ZNF438: variants seen among roughly 807,000 people sequenced by gnomAD.
ZNF438 encodes the protein zinc finger protein 438.
In ZNF438, 25 loss-of-function variants were observed where a neutral mutation model predicts 38.0. That is an observed-to-expected ratio of 0.66 (90% confidence interval 0.48 to 0.92). ZNF438 has a LOEUF of 0.92. ZNF438 is among the 40% of genes least tolerant of loss of function. ZNF438 has a pLI of 0.00. For synonymous variants in ZNF438, 372 were observed against 364.1 expected (o/e 1.02, Z -0.25); for missense variants, 1,007 against 999.6 (o/e 1.01, Z -0.10).
chr10:30,930,745 C>T (rs187681080), intron 2 of ZNF438, among the ~76,000 whole-genome samples: 18 of 129,074 alleles, frequency 1.4e-4, no homozygotes, highest in South Asian at 1.0e-3. Context: ...AGGCAGAGGT[C>T]GTAGTAAGCC....
At chr10:30,977,473 G>T (rs1032802552) in intron 1 of ZNF438, among the ~76,000 whole-genome samples, 1 of 152,138 alleles carries the variant, frequency 6.6e-6, no homozygotes, top group Admixed American at 6.5e-5. Context: ...AACTAAGATG[G>T]CTACTGTAAC....
At chr10:31,010,103 T>C (rs2055534703) in intron 1 of ZNF438, among the ~76,000 whole-genome samples, 1 of 152,166 alleles carries the variant, frequency 6.6e-6, no homozygotes, top group Non-Finnish European at 1.5e-5. Context: ...TGCCTTGGCC[T>C]CCCAAAGTGC....
chr10:30,997,700 T>C lies in ZNF438; in HGVS notation c.-192+34133A>G, dbSNP rs76776770. ...TAGAAACGGGTATAGGATGCAATTT[T>C]AGCTAATGAGGTCATGTTTTCTAGG... On this transcript the variant is annotated intron_variant, in intron 1 of 5. Transcript: ENST00000413025. Among the ~76,000 whole-genome samples, 1,050 of 152,274 alleles carry C rather than the reference T, an allele frequency of 6.9e-3. 12 individuals are homozygous for C. The highest frequency in any genetic ancestry group is 0.024 in the African/African-American group (1,002 of 41,554).
intron 4 of ZNF438, among the ~76,000 whole-genome samples, chr10:30,854,173 A>G (rs895560643): frequency 2.6e-5 from 4 of 152,086 alleles, no homozygotes; most frequent in African/African-American, 9.7e-5. Context: ...CAAAAAAATT[A>G]GCTGGGCGTG....
intron 2 of ZNF438, among the ~76,000 whole-genome samples, chr10:30,926,365 A>G (rs933250529): frequency 6.6e-6 from 1 of 152,198 alleles, no homozygotes; most frequent in African/African-American, 2.4e-5. Flanking sequence ...AGAGATGAAC[A>G]ATATTAGAAT....
chr10:31,022,420 C>G (rs777205492), intron 1 of ZNF438, among the ~76,000 whole-genome samples: 12 of 152,142 alleles, frequency 7.9e-5, no homozygotes, highest in East Asian at 1.9e-4. Context: ...CACCACCATG[C>G]CTGGCCAATT....
intron 1 of ZNF438, among the ~76,000 whole-genome samples, chr10:31,022,991 T>G (rs987814485): frequency 6.6e-6 from 1 of 152,242 alleles, no homozygotes; most frequent in Non-Finnish European, 1.5e-5. Context: ...AAGACGTGTC[T>G]GAGCCGACTT....
At chr10:30,976,691 C>T (rs1006740623) in intron 1 of ZNF438, among the ~76,000 whole-genome samples, 4 of 151,588 alleles carry the variant, frequency 2.6e-5, no homozygotes, top group South Asian at 2.1e-4. Flanking sequence ...GAGCTATGAT[C>T]GTGCCTCTGC....
intron 4 of ZNF438, chr10:30,875,597 T>A (rs540229537): frequency 7.1e-6 from 7 of 984,746 alleles, no homozygotes; most frequent in Non-Finnish European, 8.4e-6. Flanking sequence ...TTCCAGAGGA[T>A]ATATACCAGA....
At chr10:30,961,732 C>A (rs2049510368) in intron 1 of ZNF438, among the ~76,000 whole-genome samples, 1 of 144,976 alleles carries the variant, frequency 6.9e-6, no homozygotes, top group Non-Finnish European at 1.6e-5. Flanking sequence ...ATTAAAAATA[C>A]AAGAGATTGG....
At chr10:30,878,206 T>A (rs866688005) in intron 3 of ZNF438, among the ~76,000 whole-genome samples, 1 of 152,184 alleles carries the variant, frequency 6.6e-6, no homozygotes, top group African/African-American at 2.4e-5. Context: ...TTCTGAATAA[T>A]GTCTTTTTAC....
intron 1 of ZNF438, among the ~76,000 whole-genome samples, chr10:30,959,243 A>C (rs1428811077): frequency 1.4e-5 from 2 of 146,944 alleles, no homozygotes; most frequent in East Asian, 3.9e-4. Flanking sequence ...CTTTGAGTAG[A>C]GCAGATGGTT....
chr10:31,006,787 G>A (rs2055177253), intron 1 of ZNF438, among the ~76,000 whole-genome samples: 1 of 120,844 alleles, frequency 8.3e-6, no homozygotes, highest in Admixed American at 9.1e-5. Context: ...GCGGGGGGGG[G>A]AACTCCCACA....
chr10:30,997,813 T>A (rs767447164), intron 1 of ZNF438, among the ~76,000 whole-genome samples: 13 of 152,104 alleles, frequency 8.5e-5, no homozygotes, highest in Non-Finnish European at 1.6e-4. Context: ...TTGATATGAG[T>A]ATGTCATTCT....
intron 1 of ZNF438, among the ~76,000 whole-genome samples, chr10:31,009,264 T>C (rs1214748842): frequency 6.6e-6 from 1 of 152,192 alleles, no homozygotes; most frequent in African/African-American, 2.4e-5. Flanking sequence ...GCTATCCCCA[T>C]TTTGCAGACA....
chr10:30,953,806 T>C (rs1293034803), intron 1 of ZNF438, among the ~76,000 whole-genome samples: 1 of 152,158 alleles, frequency 6.6e-6, no homozygotes, highest in Non-Finnish European at 1.5e-5. Context: ...TAACTCTTCT[T>C]ATGCAGTGGG....
chr10:30,970,392 C>G (rs1408870438), intron 1 of ZNF438, among the ~76,000 whole-genome samples: 1 of 152,118 alleles, frequency 6.6e-6, no homozygotes, highest in Admixed American at 6.6e-5. Flanking sequence ...AAACACTTAG[C>G]AATGTCTAAC....
intron 5 of ZNF438, 144 bp downstream of exon 6, chr10:30,848,387 G>C: frequency 1.1e-6 from 1 of 942,804 alleles, no homozygotes; most frequent in Non-Finnish European, 1.5e-6. Flanking sequence ...ATTCTTCACA[G>C]ATCTAGGAGG....
At chr10:30,985,549 T>C (rs1241982038) in intron 1 of ZNF438, among the ~76,000 whole-genome samples, 1 of 152,276 alleles carries the variant, frequency 6.6e-6, no homozygotes, top group Non-Finnish European at 1.5e-5. Context: ...AATGGTTTGA[T>C]GATTTCATCT....
Sources: allele counts gnomAD v4.1 joint callset (sites outside exome capture counted in the v4.1 genomes callset), GRCh38; gene constraint gnomAD v4.1.1; transcripts MANE v1.5; gene names NCBI Gene and HGNC (gene_info 2026-07-23, HGNC 2026-07-21).